The following OTUB2 variants were observed in gnomAD, a reference collection of about 807,000 sequenced individuals.
The protein encoded by OTUB2 is OTU deubiquitinase, ubiquitin aldehyde binding 2.
OTUB2 carries 21 observed loss-of-function variants against 25.1 expected under a neutral mutation model. That is an observed-to-expected ratio of 0.84 (90% CI 0.59 to 1.21). The LOEUF (loss-of-function observed/expected upper bound fraction) is 1.21. Among genes scored for constraint, OTUB2 ranks in the 50% most tolerant of loss-of-function variants. The pLI, the probability that OTUB2 is intolerant of heterozygous loss-of-function variation, is 0.00. For missense variants in OTUB2, 283 were observed against 298.0 expected (o/e 0.95, Z 0.37); for synonymous variants, 122 against 122.8 (o/e 0.99, Z 0.04).
In OTUB2 at chr14:94,045,748, C is replaced by A; in HGVS notation, c.531C>A (p.His177Gln). 1 of 1,614,222 alleles carries A rather than the reference C, an allele frequency of 6.2e-7. No homozygotes were observed. The highest frequency in any genetic ancestry group is 8.5e-7 in the Non-Finnish European group (1 of 1,180,050). ...AGCCCATGGCCACGGAGTGTGACCA[C>A]ATCCAGATCACGGCGTTGTCGCAGG... Reference protein sequence around the residue: ...EVEPMATECDHIQITALSQAL... With the variant: ...EVEPMATECDQIQITALSQAL... The change falls in exon 6 of 6, where the codon CAC (histidine) becomes CAA (glutamine). Residue 177 changes from histidine (H) to glutamine (Q), a missense_variant. Coordinates refer to ENST00000203664, the MANE Select transcript of OTUB2 (RefSeq NM_023112.4).
chr14:94,042,360 G>A (rs539187897), intron 3 of OTUB2, among the ~76,000 whole-genome samples: 44 of 152,216 alleles, frequency 2.9e-4, no homozygotes, highest in South Asian at 1.5e-3. Context: ...TGCATGTCCT[G>A]GCCTGGGGGC....
rs1884860799 is a variant in OTUB2 at position 94,026,475 on chromosome 14, C to T, written c.-63C>T. On this transcript the variant is annotated 5_prime_UTR_variant, in exon 1 of 6. Transcript: ENST00000203664. Reference sequence around the variant, plus strand: ...CGGCGGAGCCCGCCCGCGCCTCCCGCGGCATTCCCGCACCGGATCGCTCCT... The same window carrying T: ...CGGCGGAGCCCGCCCGCGCCTCCCGTGGCATTCCCGCACCGGATCGCTCCT... The T allele has an allele frequency of 2.3e-6, 3 of 1,326,494 alleles. No individual in the cohort carries two copies. Among genetic ancestry groups the T allele is most frequent in the Admixed American group, 7.3e-5 (2 of 27,510 alleles). The allele number at this position is 1,326,494 out of a possible 1,614,324, so 82.2% of individuals were successfully genotyped here.
intron 3 of OTUB2, 84 bp downstream of exon 3, chr14:94,039,165 C>A: frequency 9.1e-7 from 1 of 1,093,038 alleles, no homozygotes; most frequent in Non-Finnish European, 1.3e-6. Flanking sequence ...TTTCGTTACA[C>A]TCAGGCTGGT....
intron 1 of OTUB2, among the ~76,000 whole-genome samples, chr14:94,027,750 C>G (rs1884890769): frequency 6.6e-6 from 1 of 152,216 alleles, no homozygotes; most frequent in South Asian, 2.1e-4. Context: ...CTGGGTGTGG[C>G]ATAGGCAGCC....
At chr14:94,044,079 C>T (rs979117640) in intron 4 of OTUB2, 24 bp downstream of exon 4, 2 of 1,603,836 alleles carry the variant, frequency 1.2e-6, no homozygotes, top group Non-Finnish European at 8.5e-7. Context: ...GTCCCTCCTT[C>T]CACACTGGCA....
At chr14:94,038,670 GC>G (rs969324330) in intron 2 of OTUB2, among the ~76,000 whole-genome samples, 2 of 152,056 alleles carry the variant, frequency 1.3e-5, no homozygotes, top group African/African-American at 4.8e-5. Flanking sequence ...CAATGCCAGT[GC>G]CCCGTGGCAC....
At chr14:94,029,223 G>A (rs2141406210) in intron 1 of OTUB2, among the ~76,000 whole-genome samples, 1 of 152,330 alleles carries the variant, frequency 6.6e-6, no homozygotes, top group East Asian at 1.9e-4. Context: ...GAGGTAGCCA[G>A]GCTGGAGTCA....
rs570870247 is a variant in OTUB2 at position 94,044,811 on chromosome 14, G to A, written c.498+31G>A. On this transcript the variant is annotated intron_variant, in intron 5 of 5. Transcript: ENST00000203664. ...TGCTTGGGGTCTCAGCCCCAGCCCT[G>A]GGCTCTGCTCCTGTGGCCCTGTCCT... The A allele has an allele frequency of 8.2e-6, 13 of 1,586,160 alleles. No individual in the cohort carries two copies. In the South Asian group the frequency reaches 9.1e-5, roughly 11 times the overall value.
At chr14:94,034,359 G>C (rs1279774974) in intron 1 of OTUB2, among the ~76,000 whole-genome samples, 1 of 152,196 alleles carries the variant, frequency 6.6e-6, no homozygotes, top group Non-Finnish European at 1.5e-5. Flanking sequence ...GACCTGGCCT[G>C]TTGATAAGAA....
chr14:94,033,892 A>G (rs1363069716), intron 1 of OTUB2, among the ~76,000 whole-genome samples: 2 of 152,244 alleles, frequency 1.3e-5, no homozygotes, highest in African/African-American at 4.8e-5. Flanking sequence ...AGCAATTGTT[A>G]TTATGCTAGT....
chr14:94,034,980 C>T (rs1263012007), intron 1 of OTUB2, among the ~76,000 whole-genome samples: 2 of 152,102 alleles, frequency 1.3e-5, no homozygotes, highest in Non-Finnish European at 2.9e-5. Context: ...TTGTGGGATT[C>T]CATTAGTGAG....
At position 94,048,235 on chromosome 14, in the gene OTUB2, C is replaced by T. The variant is rs1232514296; in HGVS notation, c.*2313C>T. 3 of 152,354 alleles carry T rather than the reference C, an allele frequency of 2.0e-5. No individual in the cohort carries two copies. The highest frequency in any genetic ancestry group is 4.4e-5 in the Non-Finnish European group (3 of 68,046). The allele number at this position is 152,354 out of a possible 1,614,324, so 9.4% of individuals were successfully genotyped here. Reference sequence around the variant, plus strand: ...TGGATAATTCTCTACCCTCACCCCACAGAGCCATCTCTCTCCAGACCAAAA... The same window carrying T: ...TGGATAATTCTCTACCCTCACCCCATAGAGCCATCTCTCTCCAGACCAAAA... On this transcript the variant is annotated 3_prime_UTR_variant, in exon 6 of 6. Coordinates refer to ENST00000203664, the MANE Select transcript of OTUB2 (RefSeq NM_023112.4).
At chr14:94,043,919 A>C in intron 3 of OTUB2, 52 bp from the exon 4 acceptor site, 17 of 1,543,142 alleles carry the variant, frequency 1.1e-5, no homozygotes, top group Non-Finnish European at 1.5e-5. Context: ...GTTGCCAATC[A>C]CAGCACTCTC....
intron 1 of OTUB2, 71 bp from the exon 2 acceptor site, chr14:94,037,309 C>A: frequency 9.1e-7 from 1 of 1,097,330 alleles, no homozygotes; most frequent in Non-Finnish European, 1.4e-6. Flanking sequence ...AGTTCAGAGG[C>A]CACCAGCTCG....
At chr14:94,030,363 G>A (rs2141406892) in intron 1 of OTUB2, among the ~76,000 whole-genome samples, 1 of 152,098 alleles carries the variant, frequency 6.6e-6, no homozygotes, top group South Asian at 2.1e-4. Flanking sequence ...GGGGCGAGGT[G>A]GGCAGGAGAG....
intron 1 of OTUB2, among the ~76,000 whole-genome samples, chr14:94,027,491 C>T (rs1463208392): frequency 6.6e-6 from 1 of 152,202 alleles, no homozygotes; most frequent in Admixed American, 6.5e-5. Context: ...TGTTGGAAAG[C>T]GAAGAGGCTT....
chr14:94,035,574 C>T (rs900535175), intron 1 of OTUB2, among the ~76,000 whole-genome samples: 1 of 152,160 alleles, frequency 6.6e-6, no homozygotes, highest in Admixed American at 6.5e-5. Context: ...CAAGCATGAG[C>T]CACCGTGCCT....
intron 5 of OTUB2, among the ~76,000 whole-genome samples, chr14:94,045,310 A>G (rs1238130628): frequency 6.6e-6 from 1 of 151,688 alleles, no homozygotes; most frequent in Non-Finnish European, 1.5e-5. Flanking sequence ...TCGCACCCTC[A>G]CTCACCAGCC....
intron 2 of OTUB2, among the ~76,000 whole-genome samples, chr14:94,038,239 C>T (rs1567052726): frequency 6.6e-6 from 1 of 152,248 alleles, no homozygotes; most frequent in South Asian, 2.1e-4. Context: ...GATCCGAACG[C>T]CGCTGCGGGG....
Sources: gnomAD v4.1 joint callset for allele counts (sites outside exome capture counted in the v4.1 genomes callset) on GRCh38, gnomAD v4.1.1 for gene constraint, MANE v1.5 for transcripts, NCBI Gene and HGNC (gene_info 2026-07-23, HGNC 2026-07-21) for gene names.